The following AGAP1 variants were observed in gnomAD, a reference collection of about 807,000 sequenced individuals.
The protein encoded by AGAP1 is arf-GAP with GTPase, ANK repeat and PH domain-containing protein 1.
Under a neutral mutation model 105.3 loss-of-function variants are expected in AGAP1, and 29 were observed. The ratio of observed to expected loss-of-function variants is 0.28; its 90% CI spans 0.21 to 0.38. The LOEUF is 0.38. Among genes scored for constraint, AGAP1 ranks in the 10% least tolerant of loss-of-function variants. The pLI is 1.00. For missense variants in AGAP1, 998 were observed against 1,165.1 expected (o/e 0.86, Z 2.09); for synonymous variants, 509 against 485.9 (o/e 1.05, Z -0.63).
rs147662914 is a variant in AGAP1, at chr2:235,709,769, A to T, written c.222+532A>T. On this transcript the variant is annotated intron_variant, in intron 2 of 17. Coordinates refer to ENST00000304032, the MANE Select transcript of AGAP1 (RefSeq NM_001037131.3). ...TTACGAACCTTACCCTTTCGGTGAA[A>T]TTATGTAGAGCTTCAAATTGGCACG... Among the ~76,000 whole-genome samples, 319 of 152,306 alleles carry T rather than the reference A, an allele frequency of 2.1e-3. 2 individuals carry two copies. The highest frequency in any genetic ancestry group is 7.4e-3 in the African/African-American group (308 of 41,566).
At position 236,014,717 on chromosome 2, in the gene AGAP1, C is replaced by CTTT; in HGVS notation, c.1646-21837_1646-21835dup. ...AGGCAACGTCACGTGCTACTTTGACCTTTTTTTTTCTCCCCTTTTCATTTG... is the reference window on the plus strand; with the variant it reads ...AGGCAACGTCACGTGCTACTTTGACCTTTTTTTTTTTTCTCCCCTTTTCATTTG... On this transcript the variant is annotated intron_variant, in intron 13 of 17. Transcript: ENST00000304032. The surrounding 1 kb of genome is among the most constrained non-coding windows in gnomAD (Gnocchi z 6.3). 2.8e-6 allele frequency: 1 copy of CTTT among 358,048 alleles called. No homozygotes were observed. The allele number at this position is 358,048 out of a possible 1,614,324, so 22.2% of individuals were successfully genotyped here.
intron 3 of AGAP1, chr2:235,718,376 T>C: frequency 2.0e-6 from 2 of 985,758 alleles, no homozygotes; most frequent in African/African-American, 3.5e-5. Flanking sequence ...TTCCATTCTT[T>C]GCAGATATGG....
intron 1 of AGAP1, among the ~76,000 whole-genome samples, chr2:235,514,402 C>G (rs994584504): frequency 6.6e-6 from 1 of 152,242 alleles, no homozygotes; most frequent in African/African-American, 2.4e-5. Flanking sequence ...AATGGAGTTG[C>G]CTCGCTGGGC....
chr2:235,949,179 A>T (rs1225149939), intron 12 of AGAP1, among the ~76,000 whole-genome samples: 2 of 152,166 alleles, frequency 1.3e-5, no homozygotes, highest in Non-Finnish European at 2.9e-5. Context: ...CCCTTCTTTC[A>T]TACATGCACG....
chr2:235,504,184 C>G (rs1244507975), intron 1 of AGAP1, among the ~76,000 whole-genome samples: 1 of 152,078 alleles, frequency 6.6e-6, no homozygotes, highest in African/African-American at 2.4e-5. Context: ...AGAAAGGTGC[C>G]CAAGTCATAA....
rs1223319909 is a variant in AGAP1, at chr2:235,901,218, T to C, written c.1156-7520T>C. Among the ~76,000 whole-genome samples the C allele has an allele frequency of 6.6e-6, 1 of 152,198 alleles. No homozygotes were observed. Among genetic ancestry groups the C allele is most frequent in the Non-Finnish European group, 1.5e-5 (1 of 68,040 alleles). ...ATATGTCTTTATGATTAGTTTCCTT[T>C]GAATATAATATTAAATGGAGTTTGG... On this transcript the variant is annotated intron_variant, in intron 10 of 17. Transcript: ENST00000304032. This position sits in a 1 kb window ranked among gnomAD's most constrained non-coding sequence, Gnocchi z 4.3.
chr2:235,735,499 T>C (rs1355115155), intron 3 of AGAP1, among the ~76,000 whole-genome samples: 3 of 152,156 alleles, frequency 2.0e-5, no homozygotes, highest in Non-Finnish European at 2.9e-5. Context: ...GCACCCCAAA[T>C]TTAAAACTGG....
chr2:235,508,379 C>G (rs1321748198), intron 1 of AGAP1, among the ~76,000 whole-genome samples: 1 of 152,218 alleles, frequency 6.6e-6, no homozygotes, highest in Non-Finnish European at 1.5e-5. Flanking sequence ...GCCCATAAGT[C>G]TGCAGAAGTA....
chr2:235,651,956 C>G (rs1947608975), intron 1 of AGAP1, among the ~76,000 whole-genome samples: 1 of 152,192 alleles, frequency 6.6e-6, no homozygotes, highest in Non-Finnish European at 1.5e-5. Flanking sequence ...TGTTTTACAG[C>G]AAGTGTCTTT....
At chr2:235,952,166 G>T (rs2053764739) in intron 12 of AGAP1, among the ~76,000 whole-genome samples, 1 of 152,136 alleles carries the variant, frequency 6.6e-6, no homozygotes, top group African/African-American at 2.4e-5. Context: ...TCTTGTCAGA[G>T]ACATGAATGG....
intron 1 of AGAP1, among the ~76,000 whole-genome samples, chr2:235,562,154 A>G (rs1393686785): frequency 2.0e-5 from 3 of 152,224 alleles, no homozygotes; most frequent in Admixed American, 1.3e-4. Flanking sequence ...TTTTAAGGCT[A>G]TTCACCATGA....
At chr2:235,699,075 C>T (rs1232635050) in intron 1 of AGAP1, among the ~76,000 whole-genome samples, 1 of 151,216 alleles carries the variant, frequency 6.6e-6, no homozygotes, top group Non-Finnish European at 1.5e-5. Flanking sequence ...GACATCCCCC[C>T]CCCCCACCCC....
At chr2:235,980,725 A>C (rs2125405797) in intron 13 of AGAP1, among the ~76,000 whole-genome samples, 1 of 152,206 alleles carries the variant, frequency 6.6e-6, no homozygotes, top group East Asian at 1.9e-4. Flanking sequence ...CCTACTGTTG[A>C]GTGGTCGCTC....
At chr2:235,644,047 A>AG (rs1947290289) in intron 1 of AGAP1, among the ~76,000 whole-genome samples, 1 of 152,118 alleles carries the variant, frequency 6.6e-6, no homozygotes, top group South Asian at 2.1e-4. Flanking sequence ...CTGGCCACAA[A>AG]GGGGGGTCAG....
intron 1 of AGAP1, among the ~76,000 whole-genome samples, chr2:235,570,213 G>A (rs540572109): frequency 1.3e-4 from 20 of 152,248 alleles, no homozygotes; most frequent in South Asian, 4.2e-4. Flanking sequence ...AGCAGTGATC[G>A]GTGCTTCTGC....
chr2:236,033,208 G>C (rs907294376), intron 13 of AGAP1, among the ~76,000 whole-genome samples: 1 of 152,148 alleles, frequency 6.6e-6, no homozygotes, highest in Non-Finnish European at 1.5e-5. Flanking sequence ...TCATGCCATT[G>C]CACTCCAGCC....
chr2:235,988,081 T>C lies in AGAP1; in HGVS notation c.1645+19458T>C, dbSNP rs2055397618. Among the ~76,000 whole-genome samples the C allele has an allele frequency of 6.6e-6, 1 of 152,218 alleles. No homozygotes were observed. The highest frequency in any genetic ancestry group is 1.5e-5 in the Non-Finnish European group (1 of 68,044). On this transcript the variant is annotated intron_variant, in intron 13 of 17. Coordinates refer to ENST00000304032, the MANE Select transcript of AGAP1 (RefSeq NM_001037131.3). The surrounding 1 kb of genome is among the most constrained non-coding windows in gnomAD (Gnocchi z 4.7). Reference sequence around the variant, plus strand: ...TTTTGAAACAAGAGTCTCACTCTGTTGCCCAGGCTGGAGTGTGGTGGCATG... The same window carrying C: ...TTTTGAAACAAGAGTCTCACTCTGTCGCCCAGGCTGGAGTGTGGTGGCATG...
rs555348309 is a variant in AGAP1 at position 235,886,393 on chromosome 2, T to C, written c.1155+2944T>C. On this transcript the variant is annotated intron_variant, in intron 10 of 17. Transcript: ENST00000304032. ...GCTGCTTCTTGCCAAGGGGCAGATA[T>C]GGTAACAACGATATGTATCAGAAGA... 4.6e-5 allele frequency among the ~76,000 whole-genome samples: 7 copies of C among 152,360 alleles called. 1 individual carries two copies. Among genetic ancestry groups the C allele is most frequent in the Admixed American group, 1.3e-4 (2 of 15,306 alleles).
rs528430176 is a variant in AGAP1 at position 235,865,776 on chromosome 2, C to T, written c.1051-17569C>T. 1.3e-5 allele frequency among the ~76,000 whole-genome samples: 2 copies of T among 152,300 alleles called. No homozygotes were observed. Among genetic ancestry groups the T allele is most frequent in the South Asian group, 2.1e-4 (1 of 4,822 alleles). Reference sequence around the variant, plus strand: ...AGAGAAAGTTAAAAAGATTTAGTAGCGGCAGAGCTTGTGTCTGCTGGTCAC... The same window carrying T: ...AGAGAAAGTTAAAAAGATTTAGTAGTGGCAGAGCTTGTGTCTGCTGGTCAC... On this transcript the variant is annotated intron_variant, in intron 9 of 17. Coordinates refer to ENST00000304032, the MANE Select transcript of AGAP1 (RefSeq NM_001037131.3). The surrounding 1 kb of genome is among the most constrained non-coding windows in gnomAD (Gnocchi z 6.2).
Sources: gnomAD v4.1 joint callset for allele counts (sites outside exome capture counted in the v4.1 genomes callset) on GRCh38, gnomAD v4.1.1 for gene constraint, Gnocchi (gnomAD v3.1) non-coding constraint, MANE v1.5 for transcripts, NCBI Gene and HGNC (gene_info 2026-07-23, HGNC 2026-07-21) for gene names.